KLHL29: variants seen among roughly 807,000 people sequenced by gnomAD.
KLHL29 encodes the protein kelch-like protein 29.
Under a neutral mutation model 80.4 loss-of-function variants are expected in KLHL29, and 21 were observed. The observed-to-expected ratio is 0.26, with a 90% CI of 0.19 to 0.38. KLHL29 has a LOEUF of 0.38. Among genes scored for constraint, KLHL29 ranks in the 10% least tolerant of loss-of-function variants. The pLI, the probability that KLHL29 is intolerant of heterozygous loss-of-function variation, is 1.00. For missense variants in KLHL29, 867 were observed against 1,223.9 expected (o/e 0.71, Z 4.35); for synonymous variants, 511 against 526.8 (o/e 0.97, Z 0.41).
At chr2:23,522,544 A>G (rs1666136669) in intron 2 of KLHL29, among the ~76,000 whole-genome samples, 2 of 150,132 alleles carry the variant, frequency 1.3e-5, no homozygotes, top group African/African-American at 4.9e-5. Flanking sequence ...AAGACCTTTT[A>G]CCTTTTTGAA....
At chr2:23,660,504 G>A (rs975600216) in intron 5 of KLHL29, among the ~76,000 whole-genome samples, 4 of 152,260 alleles carry the variant, frequency 2.6e-5, no homozygotes, top group Non-Finnish European at 5.9e-5. Context: ...AGCCCCGCCA[G>A]AGAGGCCTGA....
chr2:23,548,724 C>T (rs1009338093), intron 2 of KLHL29, among the ~76,000 whole-genome samples: 4 of 152,234 alleles, frequency 2.6e-5, no homozygotes, highest in African/African-American at 4.8e-5. Flanking sequence ...AAGCGTACCT[C>T]GCCGAAGCCA....
At chr2:23,439,687 A>G (rs1314724567) in intron 1 of KLHL29, among the ~76,000 whole-genome samples, 1 of 151,318 alleles carries the variant, frequency 6.6e-6, no homozygotes, top group Non-Finnish European at 1.5e-5. Context: ...AGTTTGTTAT[A>G]ATTTCTGTTC....
At chr2:23,525,085 G>C (rs773794521) in intron 2 of KLHL29, among the ~76,000 whole-genome samples, 2 of 152,224 alleles carry the variant, frequency 1.3e-5, no homozygotes, top group African/African-American at 2.4e-5. Context: ...GAGCACTCCA[G>C]GTGCAGCTAT....
At chr2:23,693,206 T>C in intron 7 of KLHL29, 63 bp from the exon 8 acceptor site, 5 of 1,493,856 alleles carry the variant, frequency 3.3e-6, no homozygotes, top group Non-Finnish European at 3.6e-6. Flanking sequence ...GTGACAGCAA[T>C]GGGAACAGGT....
intron 1 of KLHL29, among the ~76,000 whole-genome samples, chr2:23,474,991 G>A (rs1387811949): frequency 6.6e-6 from 1 of 150,510 alleles, no homozygotes; most frequent in African/African-American, 2.5e-5. Context: ...CTTTCTCCTA[G>A]GTATTAAATC....
At chr2:23,439,446 T>G (rs1286798730) in intron 1 of KLHL29, among the ~76,000 whole-genome samples, 56 of 150,690 alleles carry the variant, frequency 3.7e-4, no homozygotes, top group Non-Finnish European at 8.0e-4. Context: ...TTGTGGGCAT[T>G]TAGTGCTATA....
At chr2:23,566,683 G>A (rs767904494) in intron 3 of KLHL29, among the ~76,000 whole-genome samples, 19 of 152,190 alleles carry the variant, frequency 1.2e-4, no homozygotes, top group Non-Finnish European at 2.6e-4. Flanking sequence ...TCCTAGCTCC[G>A]CCACTTAGAA....
chr2:23,580,098 C>A (rs1572414339), intron 3 of KLHL29, among the ~76,000 whole-genome samples: 1 of 152,212 alleles, frequency 6.6e-6, no homozygotes, highest in South Asian at 2.1e-4. Flanking sequence ...AGGCCGGGCG[C>A]GGTGGCTCAC....
At chr2:23,593,521 T>C (rs1413640083) in intron 3 of KLHL29, among the ~76,000 whole-genome samples, 4 of 152,156 alleles carry the variant, frequency 2.6e-5, no homozygotes, top group Non-Finnish European at 4.4e-5. Context: ...CTGGGTCCCC[T>C]TGGACAGCAG....
chr2:23,703,502 G>A (rs1375401649), intron 12 of KLHL29, 123 bp downstream of exon 12: 4 of 1,078,972 alleles, frequency 3.7e-6, no homozygotes, highest in Non-Finnish European at 5.2e-6. Flanking sequence ...AGATCTAGAG[G>A]GTGGCAGGAG....
chr2:23,501,450 C>T (rs1371866195), intron 2 of KLHL29, among the ~76,000 whole-genome samples: 1 of 152,096 alleles, frequency 6.6e-6, no homozygotes, highest in Non-Finnish European at 1.5e-5. Flanking sequence ...AGACCTATAG[C>T]ATGGGCATCG....
intron 3 of KLHL29, among the ~76,000 whole-genome samples, chr2:23,608,001 C>T (rs114536815): frequency 0.011 from 1,568 of 146,722 alleles, 11 homozygotes; most frequent in Non-Finnish European, 0.015. Flanking sequence ...CTCTCACACT[C>T]ATCTCTTTCT....
rs1664838319 is a variant in KLHL29 at position 23,482,864 on chromosome 2, CATT to C, written c.-46+7198_-46+7200del. 4.3e-5 allele frequency among the ~76,000 whole-genome samples: 5 copies of C among 117,146 alleles called. No homozygotes were observed. In the South Asian group the frequency reaches 8.3e-4, roughly 19 times the overall value. 76.9% of individuals were successfully genotyped at this position (117,146 alleles called of 152,430 possible). A position where few individuals can be genotyped will look rare whatever the true frequency, so the allele number is the denominator to read the frequency against. ...TCATTCATTCATTCATTCATTCATT[CATT>C]CATCCATCACTTACTGGTAGTCACA... On this transcript the variant is annotated intron_variant, in intron 2 of 13. Transcript: ENST00000486442.
In KLHL29 at chr2:23,684,219, G is replaced by C. The variant is rs1423201491; in HGVS notation, c.941-180G>C. Among the ~76,000 whole-genome samples, 2 of 151,630 alleles carry C rather than the reference G, an allele frequency of 1.3e-5. No homozygotes were observed. Among genetic ancestry groups the C allele is most frequent in the Admixed American group, 1.3e-4 (2 of 15,214 alleles). On this transcript the variant is annotated intron_variant, in intron 5 of 13. Transcript: ENST00000486442. The surrounding 1 kb of genome is among the most constrained non-coding windows in gnomAD (Gnocchi z 4.4). ...TATTAGCCCCTCCCAGTGGCTGCTT[G>C]TTTATGCATTATGTTTGTGACTTCT... is the stretch of plus-strand genomic sequence containing the variant.
At chr2:23,491,488 G>C (rs1665101097) in intron 2 of KLHL29, among the ~76,000 whole-genome samples, 1 of 152,130 alleles carries the variant, frequency 6.6e-6, no homozygotes, top group African/African-American at 2.4e-5. Flanking sequence ...TGCCTGGGGG[G>C]CTGAGGGGTA....
intron 11 of KLHL29, among the ~76,000 whole-genome samples, chr2:23,702,858 T>C (rs899243869): frequency 1.3e-5 from 2 of 152,230 alleles, no homozygotes; most frequent in South Asian, 2.1e-4. Flanking sequence ...AGTCCAGCAT[T>C]GCGGAATGCA....
At position 23,548,984 on chromosome 2, in the gene KLHL29, G is replaced by A. The variant is rs145712016; in HGVS notation, c.-45-13168G>A. 8.7e-3 allele frequency among the ~76,000 whole-genome samples: 1,332 copies of A among 152,262 alleles called. 16 individuals are homozygous for A. The highest frequency in any genetic ancestry group is 0.03 in the African/African-American group (1,256 of 41,548). ...GAAGGGGGTCACTGATCCCTTCCCC[G>A]CCTGCCTCCCCAAGCTGCTGGGAGA... On this transcript the variant is annotated intron_variant, in intron 2 of 13. Coordinates refer to ENST00000486442, the MANE Select transcript of KLHL29 (RefSeq NM_052920.2).
chr2:23,410,524 T>TA (rs1666837700), intron 1 of KLHL29, among the ~76,000 whole-genome samples: 1 of 152,038 alleles, frequency 6.6e-6, no homozygotes, highest in Non-Finnish European at 1.5e-5. Flanking sequence ...GATAGGCAGT[T>TA]ATGTGTGTGG....
Sources: allele counts gnomAD v4.1 joint callset (sites outside exome capture counted in the v4.1 genomes callset), GRCh38; gene constraint gnomAD v4.1.1; non-coding constraint Gnocchi (gnomAD v3.1); transcripts MANE v1.5; gene names NCBI Gene and HGNC (gene_info 2026-07-23, HGNC 2026-07-21).